Variants in NFATC3 observed in about 807,000 individuals in gnomAD.
NFATC3 encodes the protein nuclear factor of activated T-cells, cytoplasmic 3.
A neutral mutation model predicts 98.6 loss-of-function variants in NFATC3; 46 were observed. That is an observed-to-expected ratio of 0.47 (90% CI 0.37 to 0.60). The LOEUF (loss-of-function observed/expected upper bound fraction) is 0.60, where lower values mean the gene tolerates loss of function less well. Ranked by LOEUF, NFATC3 falls within the 20% of genes least tolerant of loss-of-function variation. The probability of loss-of-function intolerance (pLI) is 0.00; values close to 1 mark genes in which losing one functional copy is unlikely to be tolerated. For missense variants in NFATC3, 1,256 were observed against 1,295.5 expected (o/e 0.97, Z 0.47); for synonymous variants, 512 against 472.2 (o/e 1.08, Z -1.09).
chr16:68,104,478 T>A (rs2035535247), intron 1 of NFATC3, among the ~76,000 whole-genome samples: 1 of 152,174 alleles, frequency 6.6e-6, no homozygotes, highest in Non-Finnish European at 1.5e-5. Flanking sequence ...GAAATAGTTT[T>A]ACTTCTTCCT....
At chr16:68,146,413 A>G (rs893595460) in intron 3 of NFATC3, among the ~76,000 whole-genome samples, 1 of 151,984 alleles carries the variant, frequency 6.6e-6, no homozygotes, top group African/African-American at 2.4e-5. Context: ...CCCAAAAGAA[A>G]AAAAAAAAGG....
intron 3 of NFATC3, among the ~76,000 whole-genome samples, chr16:68,137,715 G>A (rs181113419): frequency 3.5e-3 from 532 of 151,008 alleles, no homozygotes; most frequent in Middle Eastern, 0.01. Context: ...CTGGGTTCAC[G>A]CCATTCTCCT....
chr16:68,088,053 TA>T (rs1481860461), intron 1 of NFATC3, among the ~76,000 whole-genome samples: 1 of 152,138 alleles, frequency 6.6e-6, no homozygotes, highest in Non-Finnish European at 1.5e-5. Flanking sequence ...TTCATTTTAC[TA>T]AGCATAATTA....
intron 9 of NFATC3, among the ~76,000 whole-genome samples, chr16:68,219,828 C>T (rs2041790629): frequency 6.6e-6 from 1 of 152,154 alleles, no homozygotes. Flanking sequence ...AAAGAGGGAG[C>T]ACACTGGGTT....
intron 9 of NFATC3, among the ~76,000 whole-genome samples, chr16:68,213,276 G>A (rs1490344552): frequency 2.6e-5 from 4 of 151,058 alleles, no homozygotes; most frequent in Admixed American, 6.6e-5. Context: ...TTAGCCGGGC[G>A]TGGTGGCGGG....
chr16:68,203,995 C>G (rs939647411), intron 9 of NFATC3, among the ~76,000 whole-genome samples: 7 of 151,970 alleles, frequency 4.6e-5, no homozygotes, highest in Admixed American at 4.6e-4. Context: ...TGACACCAGG[C>G]TAGCCAACAT....
At chr16:68,192,769 G>A (rs992284671) in intron 9 of NFATC3, among the ~76,000 whole-genome samples, 1 of 152,124 alleles carries the variant, frequency 6.6e-6, no homozygotes, top group Non-Finnish European at 1.5e-5. Context: ...AGGCTGAGGT[G>A]GGAGGATCAC....
At chr16:68,110,339 C>T (rs192022374) in intron 1 of NFATC3, among the ~76,000 whole-genome samples, 24 of 141,818 alleles carry the variant, frequency 1.7e-4, no homozygotes, top group African/African-American at 6.0e-4. Context: ...GACGAAGTCT[C>T]GCTCTGTTGC....
chr16:68,219,772 G>C (rs1016645015), intron 9 of NFATC3, among the ~76,000 whole-genome samples: 1 of 152,134 alleles, frequency 6.6e-6, no homozygotes, highest in Non-Finnish European at 1.5e-5. Context: ...AATTAGAAAG[G>C]CCCGTTGGGA....
intron 1 of NFATC3, among the ~76,000 whole-genome samples, chr16:68,098,177 G>A (rs1017617461): frequency 2.0e-5 from 3 of 151,310 alleles, no homozygotes; most frequent in Admixed American, 6.6e-5. Context: ...TTCATGTATT[G>A]TCTTTGTATG....
intron 3 of NFATC3, among the ~76,000 whole-genome samples, chr16:68,142,730 C>T (rs2037821927): frequency 6.6e-6 from 1 of 151,678 alleles, no homozygotes; most frequent in Non-Finnish European, 1.5e-5. Flanking sequence ...TGCACTTCAG[C>T]CTGGGTGACA....
At chr16:68,174,572 AT>A in intron 6 of NFATC3, 58 bp downstream of exon 6, 1 of 1,321,868 alleles carries the variant, frequency 7.6e-7, no homozygotes, top group Non-Finnish European at 9.9e-7. Flanking sequence ...AAAATAAATT[AT>A]TTAGATGTTT....
chr16:68,116,711 G>A (rs1188145530), intron 1 of NFATC3, among the ~76,000 whole-genome samples: 1 of 152,094 alleles, frequency 6.6e-6, no homozygotes, highest in East Asian at 1.9e-4. Flanking sequence ...TGGGAGAAGG[G>A]TGTGGTTTTC....
At chr16:68,135,050 G>A (rs1420727906) in intron 3 of NFATC3, among the ~76,000 whole-genome samples, 2 of 151,952 alleles carry the variant, frequency 1.3e-5, no homozygotes, top group Non-Finnish European at 2.9e-5. Flanking sequence ...TCTCCCTCCA[G>A]GTTCTCATTT....
chr16:68,218,572 G>T (rs1246038384), intron 9 of NFATC3, among the ~76,000 whole-genome samples: 3 of 145,892 alleles, frequency 2.1e-5, no homozygotes, highest in Admixed American at 2.0e-4. Context: ...AGTTTAGATG[G>T]TGCTTTTTTT....
chr16:68,112,844 A>C (rs1255649158), intron 1 of NFATC3, among the ~76,000 whole-genome samples: 1 of 151,530 alleles, frequency 6.6e-6, no homozygotes, highest in Non-Finnish European at 1.5e-5. Context: ...ATAGTCTTCA[A>C]GCTCTGATAT....
At chr16:68,159,652 T>A (rs1249742374) in intron 4 of NFATC3, among the ~76,000 whole-genome samples, 2 of 151,704 alleles carry the variant, frequency 1.3e-5, no homozygotes, top group Non-Finnish European at 2.9e-5. Flanking sequence ...CTTGATCTCC[T>A]GACCTCGTGA....
intron 4 of NFATC3, 53 bp downstream of exon 4, chr16:68,158,121 GA>G (rs560272945): frequency 5.4e-6 from 6 of 1,113,658 alleles, no homozygotes; most frequent in Non-Finnish European, 7.6e-6. Flanking sequence ...TATACTTTCA[GA>G]AAAAAAGTAA....
intron 9 of NFATC3, among the ~76,000 whole-genome samples, chr16:68,201,410 TTTTTTGTTTG>T (rs1288976559): frequency 6.6e-6 from 1 of 150,478 alleles, no homozygotes; most frequent in Non-Finnish European, 1.5e-5. Context: ...TTTTGGGGGG[TTTTTTGTTTG>T]TTTTTGTTTT....
Sources: gnomAD v4.1 joint callset for allele counts (sites outside exome capture counted in the v4.1 genomes callset) on GRCh38, gnomAD v4.1.1 for gene constraint, MANE v1.5 for transcripts, NCBI Gene and HGNC (gene_info 2026-07-23, HGNC 2026-07-21) for gene names.